ASIC2: variants seen among roughly 807,000 people sequenced by gnomAD.
ASIC2 encodes acid-sensing ion channel 2.
A neutral mutation model predicts 57.3 loss-of-function variants in ASIC2; 25 were observed. That is an observed-to-expected ratio of 0.44 (90% CI 0.32 to 0.61). The LOEUF is 0.61. Among genes scored for constraint, ASIC2 ranks in the 20% least tolerant of loss-of-function variants. The probability of loss-of-function intolerance (pLI) is 0.06; values close to 1 mark genes in which losing one functional copy is unlikely to be tolerated. For missense variants in ASIC2, 641 were observed against 738.1 expected (o/e 0.87, Z 1.52); for synonymous variants, 319 against 307.5 (o/e 1.04, Z -0.39).
intron 1 of ASIC2, among the ~76,000 whole-genome samples, chr17:33,174,771 A>AGCCTGGGT (rs1905676481): frequency 6.6e-6 from 1 of 152,206 alleles, no homozygotes; most frequent in African/African-American, 2.4e-5. Flanking sequence ...ATGGAGATGG[A>AGCCTGGGT]GCCTGGGTCC....
intron 1 of ASIC2, among the ~76,000 whole-genome samples, chr17:33,848,292 G>A (rs1036965202): frequency 3.3e-5 from 5 of 152,152 alleles, no homozygotes; most frequent in African/African-American, 4.8e-5. Context: ...CAACTAAGGG[G>A]CAGGCAACCT....
intron 3 of ASIC2, among the ~76,000 whole-genome samples, chr17:33,082,634 G>T (rs557606041): frequency 1.1e-4 from 16 of 152,036 alleles, no homozygotes; most frequent in Non-Finnish European, 1.6e-4. Context: ...AGGAGGTGGA[G>T]GTTGCAGTGA....
At chr17:33,433,317 C>T (rs781487957) in intron 1 of ASIC2, among the ~76,000 whole-genome samples, 1 of 152,178 alleles carries the variant, frequency 6.6e-6, no homozygotes, top group Non-Finnish European at 1.5e-5. Context: ...CCAAATACCA[C>T]ATGTTCTTAC....
At chr17:34,139,120 C>T (rs1486434000) in intron 1 of ASIC2, among the ~76,000 whole-genome samples, 1 of 152,224 alleles carries the variant, frequency 6.6e-6, no homozygotes. Context: ...GTGGTGTCAT[C>T]TGACAAATGA....
chr17:33,897,669 G>A (rs779194580), intron 1 of ASIC2, among the ~76,000 whole-genome samples: 2 of 152,176 alleles, frequency 1.3e-5, no homozygotes, highest in African/African-American at 2.4e-5. Context: ...TCCCTGGAAG[G>A]CTACATACTA....
chr17:33,816,179 G>T (rs551218371), intron 1 of ASIC2, among the ~76,000 whole-genome samples: 1 of 136,378 alleles, frequency 7.3e-6, no homozygotes, highest in East Asian at 2.3e-4. Context: ...AAGGGGGGGC[G>T]GGTGGGGTAG....
intron 1 of ASIC2, among the ~76,000 whole-genome samples, chr17:33,749,355 G>A (rs923394007): frequency 2.6e-5 from 4 of 151,760 alleles, no homozygotes; most frequent in Non-Finnish European, 4.4e-5. Flanking sequence ...GGAGAGCGGC[G>A]AGGCGTTCTC....
At chr17:33,301,167 C>G (rs1319860650) in intron 1 of ASIC2, among the ~76,000 whole-genome samples, 1 of 151,848 alleles carries the variant, frequency 6.6e-6, no homozygotes, top group Non-Finnish European at 1.5e-5. Context: ...GTAGCTGGGA[C>G]CACAGGTGTG....
chr17:33,976,729 G>C (rs1269910458), intron 1 of ASIC2: 2 of 152,112 alleles, frequency 1.3e-5, no homozygotes, highest in Non-Finnish European at 2.9e-5. Context: ...CACTCCATCA[G>C]GTGGCCCAAG....
chr17:33,652,238 G>A (rs1284946147), intron 1 of ASIC2, among the ~76,000 whole-genome samples: 2 of 152,188 alleles, frequency 1.3e-5, no homozygotes, highest in African/African-American at 4.8e-5. Flanking sequence ...GTGGGCAGGA[G>A]ACTAATCCAA....
At chr17:33,225,106 G>A (rs1397487858) in intron 1 of ASIC2, among the ~76,000 whole-genome samples, 1 of 152,192 alleles carries the variant, frequency 6.6e-6, no homozygotes, top group African/African-American at 2.4e-5. Flanking sequence ...TGGGAGGGCA[G>A]ACCAGCGTTC....
chr17:34,094,335 A>C (rs1284487448), intron 1 of ASIC2, among the ~76,000 whole-genome samples: 1 of 152,222 alleles, frequency 6.6e-6, no homozygotes, highest in South Asian at 2.1e-4. Context: ...CCATGACTAC[A>C]TGCCTCATAT....
intron 1 of ASIC2, among the ~76,000 whole-genome samples, chr17:33,443,035 A>G (rs1211677541): frequency 1.3e-5 from 2 of 152,108 alleles, no homozygotes; most frequent in Non-Finnish European, 2.9e-5. Context: ...TTGTGATTGT[A>G]TGGTTTTTGA....
At chr17:33,289,273 G>T (rs922593921) in intron 1 of ASIC2, among the ~76,000 whole-genome samples, 8 of 152,124 alleles carry the variant, frequency 5.3e-5, no homozygotes, top group Admixed American at 4.6e-4. Context: ...GTAAGAGAAG[G>T]GTGTGCCCCA....
chr17:33,412,692 C>A (rs1910706945), intron 1 of ASIC2, among the ~76,000 whole-genome samples: 1 of 152,136 alleles, frequency 6.6e-6, no homozygotes, highest in African/African-American at 2.4e-5. Context: ...TAAACATAGG[C>A]ATAGAGGAAG....
At chr17:33,064,364 G>A (rs1306230646) in intron 3 of ASIC2, among the ~76,000 whole-genome samples, 1 of 152,158 alleles carries the variant, frequency 6.6e-6, no homozygotes, top group African/African-American at 2.4e-5. Context: ...CTGTTTGTTA[G>A]TTTTCCTTCT....
chr17:33,858,586 C>A (rs1035000185), intron 1 of ASIC2, among the ~76,000 whole-genome samples: 1 of 152,216 alleles, frequency 6.6e-6, no homozygotes. Flanking sequence ...GAGCCGCCAG[C>A]GGGACATCTC....
chr17:33,893,179 T>C (rs1597919512), intron 1 of ASIC2, among the ~76,000 whole-genome samples: 4 of 152,294 alleles, frequency 2.6e-5, no homozygotes, highest in Admixed American at 2.6e-4. Flanking sequence ...GCTCAGCTGG[T>C]GCAGAGGAAG....
chr17:33,153,028 C>G (rs968599413), intron 1 of ASIC2, among the ~76,000 whole-genome samples: 2 of 152,178 alleles, frequency 1.3e-5, no homozygotes, highest in Admixed American at 6.5e-5. Context: ...CCAGGAGGCC[C>G]CTTCCTGGCT....
Sources: gnomAD v4.1 joint callset for allele counts (sites outside exome capture counted in the v4.1 genomes callset) on GRCh38, gnomAD v4.1.1 for gene constraint, MANE v1.5 for transcripts, NCBI Gene and HGNC (gene_info 2026-07-23, HGNC 2026-07-21) for gene names.